Variants in NTRK1 observed in about 807,000 individuals in gnomAD.
NTRK1 encodes the protein high affinity nerve growth factor receptor.
NTRK1 carries 62 observed loss-of-function variants against 86.8 expected under a neutral mutation model. The observed-to-expected ratio is 0.71, with a 90% CI of 0.58 to 0.88. The LOEUF is 0.88. Among genes scored for constraint, NTRK1 ranks in the 40% least tolerant of loss-of-function variants. The pLI, the probability that NTRK1 is intolerant of heterozygous loss-of-function variation, is 0.00. For synonymous variants in NTRK1, 469 were observed against 456.6 expected (o/e 1.03, Z -0.35); for missense variants, 967 against 1,078.4 (o/e 0.90, Z 1.45).
upstream of NTRK1, among the ~76,000 whole-genome samples, chr1:156,857,552 C>G (rs1487433456): frequency 6.6e-6 from 1 of 152,184 alleles, no homozygotes; most frequent in Non-Finnish European, 1.5e-5. Context: ...CAGCTGGCAT[C>G]TGCTGTGCAG....
upstream of NTRK1, among the ~76,000 whole-genome samples, chr1:156,857,584 C>T (rs1031708481): frequency 6.6e-6 from 1 of 152,110 alleles, no homozygotes; most frequent in African/African-American, 2.4e-5. Flanking sequence ...GTTCGGTGGT[C>T]GGGGGAGTGG....
chr1:156,872,998 G>A (rs956883059), intron 7 of NTRK1, among the ~76,000 whole-genome samples: 4 of 146,044 alleles, frequency 2.7e-5, no homozygotes, highest in Admixed American at 6.9e-5. Context: ...TATTTCAAAC[G>A]CATATCTTTT....
At chr1:156,843,295 A>G in intron 2 of NTRK1, 2 of 1,570,778 alleles carry the variant, frequency 1.3e-6, no homozygotes, top group East Asian at 2.2e-5. Flanking sequence ...TCACCCCCCA[A>G]CTTCTCTTCT....
chr1:156,868,495 G>T lies in NTRK1; in HGVS notation c.575-10G>T. The T allele has an allele frequency of 6.4e-7, 1 of 1,556,116 alleles. No homozygotes were observed. Among genetic ancestry groups the T allele is most frequent in the Non-Finnish European group, 8.7e-7 (1 of 1,149,888 alleles). On this transcript the variant is annotated splice_polypyrimidine_tract_variant and intron_variant, in intron 5 of 16. Coordinates refer to ENST00000524377, the MANE Select transcript of NTRK1 (RefSeq NM_002529.4). ...ACACCCCTTGGCCCTCGGGCGTCCT[G>T]GGTGGCCAGGTGTGCCCACGCTGAA...
In NTRK1 at chr1:156,873,784, G is replaced by A. The variant is rs934574095; in HGVS notation, c.1002G>A (p.Glu334=). ...ETSFIFTEFL[E]PAANETVRHG... ...GCTTCATCTTCACTGAGTTCCTGGAGCCGGCAGCCAATGAGACCGTGCGGC... is the reference window on the plus strand; with the variant it reads ...GCTTCATCTTCACTGAGTTCCTGGAACCGGCAGCCAATGAGACCGTGCGGC... Residue 334 remains glutamate, a synonymous_variant, in exon 8 of 17, where the codon GAG becomes GAA. Coordinates refer to ENST00000524377, the MANE Select transcript of NTRK1 (RefSeq NM_002529.4). 2 of 1,612,966 alleles carry A rather than the reference G, an allele frequency of 1.2e-6. No homozygotes were observed. Among genetic ancestry groups the A allele is most frequent in the African/African-American group, 2.7e-5 (2 of 75,018 alleles).
Position 156,875,007 on chromosome 1 carries a change from C to T in NTRK1, c.1353C>T (p.Asn451=). 6.2e-7 allele frequency: 1 copy of T among 1,609,306 alleles called. No homozygotes were observed. The highest frequency in any genetic ancestry group is 8.5e-7 in the Non-Finnish European group (1 of 1,175,726). ...KCGRRNKFGI[N]RPAVLAPEDG... is the part of the protein sequence containing the mutation. ...GACGGAGAAACAAGTTTGGGATCAACCGTGAGTCGGGGCTGCAGAGGGCTG... is the reference window on the plus strand; with the variant it reads ...GACGGAGAAACAAGTTTGGGATCAATCGTGAGTCGGGGCTGCAGAGGGCTG... Residue 451 remains asparagine (N), a splice_region_variant and synonymous_variant, in exon 11 of 17, where the codon AAC becomes AAT. Coordinates refer to ENST00000524377, the MANE Select transcript of NTRK1 (RefSeq NM_002529.4).
chr1:156,843,307 C>T (rs1654870276), intron 2 of NTRK1: 1 of 1,569,082 alleles, frequency 6.4e-7, no homozygotes, highest in African/African-American at 1.4e-5. Flanking sequence ...TTCTCTTCTC[C>T]TCTTCTGAAG....
chr1:156,826,494 G>C (rs973165989), intron 1 of NTRK1, among the ~76,000 whole-genome samples: 13 of 151,834 alleles, frequency 8.6e-5, no homozygotes, highest in Non-Finnish European at 1.6e-4. Flanking sequence ...GTAGAGACAG[G>C]GTTTCACCTT....
At chr1:156,853,845 C>T (rs1269035783) in intron 2 of NTRK1, 2 of 1,613,984 alleles carry the variant, frequency 1.2e-6, no homozygotes, top group Non-Finnish European at 1.7e-6. Context: ...CCCAGCACAC[C>T]AGGGCACACG....
At chr1:156,874,180 C>CA in intron 8 of NTRK1, 1 of 920,922 alleles carries the variant, frequency 1.1e-6, no homozygotes. Flanking sequence ...GCTGAGGAGA[C>CA]AGCCATGCAG....
Position 156,875,679 on chromosome 1 carries a change from G to T in NTRK1, c.1501+13G>T. ...TTCAGTGATGCCTGTGAGGGGCTATGCTGGGTCAAGGGCAGGGACGAGTGT... is the reference window on the plus strand; with the variant it reads ...TTCAGTGATGCCTGTGAGGGGCTATTCTGGGTCAAGGGCAGGGACGAGTGT... On this transcript the variant is annotated intron_variant, in intron 12 of 16. Coordinates refer to ENST00000524377, the MANE Select transcript of NTRK1 (RefSeq NM_002529.4). 2 of 1,608,754 alleles carry T rather than the reference G, an allele frequency of 1.2e-6. No homozygotes were observed. Among genetic ancestry groups the T allele is most frequent in the South Asian group, 1.1e-5 (1 of 90,842 alleles).
chr1:156,879,083 A>G (rs748579821), intron 14 of NTRK1, 39 bp from the exon 15 acceptor site: 19 of 1,610,136 alleles, frequency 1.2e-5, no homozygotes, highest in East Asian at 4.5e-5. Flanking sequence ...TGGGAGTTCT[A>G]TCCTCCCAGC....
intron 2 of NTRK1, chr1:156,843,199 C>T: frequency 6.2e-7 from 1 of 1,614,116 alleles, no homozygotes. Context: ...TCGAGATCTG[C>T]TCCCGAGGCA....
rs536132956 is a variant in NTRK1 at position 156,852,900 on chromosome 1, G to A, written c.50+10707G>A. ...CAGGGATCTTGTTACTCTCCCGCCCGCCCTGCTGCTGAGGCGCTGGGGGTG... is the reference window on the plus strand; with the variant it reads ...CAGGGATCTTGTTACTCTCCCGCCCACCCTGCTGCTGAGGCGCTGGGGGTG... On this transcript the variant is annotated intron_variant, in intron 2 of 16. Transcript: ENST00000392302. 2.0e-5 allele frequency among the ~76,000 whole-genome samples: 3 copies of A among 152,268 alleles called. No individual in the cohort carries two copies. In the South Asian group the frequency reaches 6.2e-4, roughly 32 times the overall value.
intron 1 of NTRK1, among the ~76,000 whole-genome samples, chr1:156,863,486 G>T (rs1035420947): frequency 6.6e-6 from 1 of 151,982 alleles, no homozygotes; most frequent in Non-Finnish European, 1.5e-5. Flanking sequence ...CACTCTGACT[G>T]CCTCCTCTCA....
chr1:156,853,403 G>A (rs1655296150), intron 2 of NTRK1, among the ~76,000 whole-genome samples: 2 of 152,212 alleles, frequency 1.3e-5, no homozygotes, highest in Admixed American at 1.3e-4. Flanking sequence ...AAGTGGTAGA[G>A]CTGAGACTTG....
At chr1:156,845,533 A>T (rs1054886608) in intron 2 of NTRK1, 8 of 728,646 alleles carry the variant, frequency 1.1e-5, no homozygotes, top group Non-Finnish European at 1.3e-5. Context: ...GCAAGGCCCC[A>T]CCCACAAACC....
At chr1:156,843,210 C>A (rs1457513458) in intron 2 of NTRK1, 1 of 1,614,112 alleles carries the variant, frequency 6.2e-7, no homozygotes, top group Non-Finnish European at 8.5e-7. Context: ...TCCCGAGGCA[C>A]CTCCCATTCA....
intron 2 of NTRK1, chr1:156,842,923 C>G: frequency 9.0e-7 from 1 of 1,110,188 alleles, no homozygotes; most frequent in Non-Finnish European, 1.3e-6. Flanking sequence ...GGTGCCCTAA[C>G]CTCATCTCTG....
Sources: gnomAD v4.1 joint callset for allele counts (sites outside exome capture counted in the v4.1 genomes callset) on GRCh38, gnomAD v4.1.1 for gene constraint, MANE v1.5 for transcripts, NCBI Gene and HGNC (gene_info 2026-07-23, HGNC 2026-07-21) for gene names.